The following FRMD5 variants were observed in gnomAD, a reference collection of about 807,000 sequenced individuals.
The protein encoded by FRMD5 is FERM domain-containing protein 5.
Under a neutral mutation model 69.0 loss-of-function variants are expected in FRMD5, and 20 were observed. That is an observed-to-expected ratio of 0.29 (90% CI 0.20 to 0.42). The LOEUF (loss-of-function observed/expected upper bound fraction) is 0.42. Ranked by LOEUF, FRMD5 falls within the 10% of genes least tolerant of loss-of-function variation. FRMD5 has a pLI of 1.00. For synonymous variants in FRMD5, 271 were observed against 260.1 expected (o/e 1.04, Z -0.40); for missense variants, 595 against 708.6 (o/e 0.84, Z 1.82).
At chr15:44,084,302 A>G (rs527377259) in intron 1 of FRMD5, among the ~76,000 whole-genome samples, 14 of 152,176 alleles carry the variant, frequency 9.2e-5, no homozygotes, top group African/African-American at 2.9e-4. Context: ...TAGCCTTCAA[A>G]GAATCAATCT....
chr15:44,058,675 A>G (rs1333189770), intron 1 of FRMD5, among the ~76,000 whole-genome samples: 1 of 151,768 alleles, frequency 6.6e-6, no homozygotes, highest in Non-Finnish European at 1.5e-5. Flanking sequence ...AGTCCCAGCT[A>G]CTCAGGAGGC....
intron 2 of FRMD5, among the ~76,000 whole-genome samples, chr15:43,923,027 C>T (rs1340319949): frequency 6.6e-6 from 1 of 152,200 alleles, no homozygotes; most frequent in Non-Finnish European, 1.5e-5. Flanking sequence ...ATCATTACCT[C>T]TCTACTTTGG....
At chr15:43,972,622 C>A (rs2090398845) in intron 1 of FRMD5, among the ~76,000 whole-genome samples, 1 of 152,114 alleles carries the variant, frequency 6.6e-6, no homozygotes, top group Non-Finnish European at 1.5e-5. Flanking sequence ...CCCAGTTGCC[C>A]CCTTGGCCGG....
At chr15:44,122,291 T>A (rs940338537) in intron 1 of FRMD5, among the ~76,000 whole-genome samples, 4 of 151,990 alleles carry the variant, frequency 2.6e-5, no homozygotes, top group African/African-American at 9.7e-5. Context: ...AGGCTGGGCA[T>A]GGTGGCTCAC....
chr15:44,174,550 G>T (rs890102635), intron 1 of FRMD5, among the ~76,000 whole-genome samples: 7 of 152,094 alleles, frequency 4.6e-5, no homozygotes, highest in Admixed American at 1.3e-4. Flanking sequence ...GATTCCTGAA[G>T]AAAAGATAAC....
rs567777130 is a variant in FRMD5 at position 44,064,896 on chromosome 15, G to A, written c.102+130057C>T. 2.0e-5 allele frequency among the ~76,000 whole-genome samples: 3 copies of A among 152,310 alleles called. No homozygotes were observed. In the South Asian group the frequency reaches 6.2e-4, roughly 32 times the overall value. On this transcript the variant is annotated intron_variant, in intron 1 of 13. Transcript: ENST00000417257. ...TATCATTAATGGACACCAGCTGTGG[G>A]CTCACAGTATCATGGGTATATTACA...
chr15:43,919,202 G>A, intron 4 of FRMD5: 1 of 618,092 alleles, frequency 1.6e-6, no homozygotes, highest in South Asian at 1.5e-5. Flanking sequence ...AGTTACTCCA[G>A]AGCCCTTTGA....
At chr15:43,980,460 T>G (rs2090531154) in intron 1 of FRMD5, among the ~76,000 whole-genome samples, 1 of 152,206 alleles carries the variant, frequency 6.6e-6, no homozygotes, top group South Asian at 2.1e-4. Context: ...CCTCCTAAAG[T>G]CTTTTCTGCT....
At chr15:43,931,460 A>G (rs1247499944) in intron 1 of FRMD5, among the ~76,000 whole-genome samples, 1 of 152,246 alleles carries the variant, frequency 6.6e-6, no homozygotes, top group Non-Finnish European at 1.5e-5. Context: ...TCTCTAATAC[A>G]GCTGCACTTC....
At chr15:43,895,668 C>A (rs2088895667) in intron 7 of FRMD5, among the ~76,000 whole-genome samples, 1 of 152,202 alleles carries the variant, frequency 6.6e-6, no homozygotes. Context: ...GCTTCAAATG[C>A]AACAGATGCA....
intron 1 of FRMD5, among the ~76,000 whole-genome samples, chr15:44,163,005 T>C (rs1363000674): frequency 6.6e-6 from 1 of 150,966 alleles, no homozygotes; most frequent in East Asian, 1.9e-4. Context: ...AAACCCCGTC[T>C]CTACTAAAAA....
chr15:44,013,625 T>C (rs1890823453), intron 1 of FRMD5, among the ~76,000 whole-genome samples: 1 of 152,234 alleles, frequency 6.6e-6, no homozygotes, highest in Non-Finnish European at 1.5e-5. Context: ...TTGAAAAATA[T>C]GTTCTGAATT....
chr15:44,068,753 G>A lies in FRMD5; in HGVS notation c.102+126200C>T, dbSNP rs535386205. Reference sequence around the variant, plus strand: ...TTTAAACAGGCAAATTTTATGACATGTGAATCTTGTGTTGAAAAGATTGCT... The same window carrying A: ...TTTAAACAGGCAAATTTTATGACATATGAATCTTGTGTTGAAAAGATTGCT... On this transcript the variant is annotated intron_variant, in intron 1 of 13. Transcript: ENST00000417257. Among the ~76,000 whole-genome samples, 5 of 152,322 alleles carry A rather than the reference G, an allele frequency of 3.3e-5. 1 individual carries two copies. Among genetic ancestry groups the A allele is most frequent in the African/African-American group, 9.6e-5 (4 of 41,590 alleles).
chr15:44,132,951 TG>T, intron 1 of FRMD5, among the ~76,000 whole-genome samples: 1 of 151,748 alleles, frequency 6.6e-6, no homozygotes, highest in East Asian at 2.0e-4. Context: ...TTAGTAGAGA[TG>T]GGGTTTCACC....
rs1253091996 is a variant in FRMD5 at position 44,140,906 on chromosome 15, C to T, written c.102+54047G>A. Among the ~76,000 whole-genome samples, 3 of 140,378 alleles carry T rather than the reference C, an allele frequency of 2.1e-5. No individual in the cohort carries two copies. In the South Asian group the frequency reaches 6.7e-4, roughly 31 times the overall value. The allele number at this position is 140,378 out of a possible 152,430, so 92.1% of individuals were successfully genotyped here. A position where few individuals can be genotyped will look rare whatever the true frequency, so the allele number is the denominator to read the frequency against. On this transcript the variant is annotated intron_variant, in intron 1 of 13. Coordinates refer to ENST00000417257, the MANE Select transcript of FRMD5 (RefSeq NM_032892.5). ...AAAAAAAAAAAAAAAAAAAAAAAAT[C>T]CAAAAGAATTTACAATTAAAATAAA...
chr15:43,938,432 C>T (rs996114788), intron 1 of FRMD5, among the ~76,000 whole-genome samples: 2 of 152,188 alleles, frequency 1.3e-5, no homozygotes, highest in Non-Finnish European at 2.9e-5. Context: ...TGCTCCAAAG[C>T]TCACATTCTT....
chr15:43,882,683 C>CAAAACAT lies in FRMD5; in HGVS notation c.1135+1013_1135+1019dup, dbSNP rs903724409. Among the ~76,000 whole-genome samples, 10 of 151,894 alleles carry CAAAACAT rather than the reference C, an allele frequency of 6.6e-5. No homozygotes were observed. In the South Asian group the frequency reaches 1.2e-3, roughly 19 times the overall value. On this transcript the variant is annotated intron_variant, in intron 13 of 13. Coordinates refer to ENST00000417257, the MANE Select transcript of FRMD5 (RefSeq NM_032892.5). ...ACGGGACAGATTTCTATAGCTGAAG[C>CAAAACAT]AAAACATGGTGGCAGCTACTAGAAA...
intron 1 of FRMD5, among the ~76,000 whole-genome samples, chr15:44,101,111 T>C (rs2076632953): frequency 6.7e-6 from 1 of 148,622 alleles, no homozygotes. Context: ...ATCGCGCCAC[T>C]GCACTCCAGC....
At chr15:43,964,550 C>T (rs144468654) in intron 1 of FRMD5, among the ~76,000 whole-genome samples, 40 of 151,412 alleles carry the variant, frequency 2.6e-4, no homozygotes, top group African/African-American at 8.2e-4. Context: ...CTCATAATGA[C>T]AGAATCCTGA....
Sources: gnomAD v4.1 joint callset for allele counts (sites outside exome capture counted in the v4.1 genomes callset) on GRCh38, gnomAD v4.1.1 for gene constraint, MANE v1.5 for transcripts, NCBI Gene and HGNC (gene_info 2026-07-23, HGNC 2026-07-21) for gene names.